The following FBXW8 variants were observed in gnomAD, a reference collection of about 807,000 sequenced individuals.
FBXW8 encodes F-box/WD repeat-containing protein 8.
In FBXW8, 57 loss-of-function variants were observed where a neutral mutation model predicts 65.3. The observed-to-expected ratio is 0.87, with a 90% confidence interval of 0.71 to 1.09. FBXW8 has a LOEUF of 1.09. Ranked by LOEUF, FBXW8 falls within the 50% of genes least tolerant of loss-of-function variation. The pLI, the probability that FBXW8 is intolerant of heterozygous loss-of-function variation, is 0.00. For missense variants in FBXW8, 777 were observed against 814.8 expected, an observed-to-expected ratio of 0.95 and a Z score of 0.57; for synonymous variants, 308 against 330.2, an observed-to-expected ratio of 0.93 and a Z score of 0.73.
chr12:116,983,295 T>G (rs548831686), intron 5 of FBXW8, among the ~76,000 whole-genome samples: 2 of 152,226 alleles, frequency 1.3e-5, no homozygotes, highest in Admixed American at 6.5e-5. Context: ...TATTTTTCTC[T>G]TCTGAGTCAG....
rs1291257833 is a variant in FBXW8, at chr12:117,030,902, A to G, written c.*2730A>G. 6.6e-6 allele frequency: 1 copy of G among 152,206 alleles called. No individual in the cohort carries two copies. Among genetic ancestry groups the G allele is most frequent in the Non-Finnish European group, 1.5e-5 (1 of 68,042 alleles). 9.4% of individuals were successfully genotyped at this position (152,206 alleles called of 1,614,324 possible). ...ATCCAAATTAAGCCCCCTTACCTTT[A>G]TCCAGACCCTTTCACAAACAAGTTC... is the stretch of plus-strand genomic sequence containing the variant. On this transcript the variant is annotated 3_prime_UTR_variant, in exon 11 of 11. Transcript: ENST00000652555.
rs940391502 is a variant in FBXW8 at position 116,961,210 on chromosome 12, G to A, written c.678-3487G>A. Among the ~76,000 whole-genome samples, 27 of 152,152 alleles carry A rather than the reference G, an allele frequency of 1.8e-4. No individual in the cohort carries two copies. The highest frequency in any genetic ancestry group is 5.6e-4 in the African/African-American group (23 of 41,430). On this transcript the variant is annotated intron_variant, in intron 4 of 10. Coordinates refer to ENST00000652555, the MANE Select transcript of FBXW8 (RefSeq NM_153348.3). The surrounding 1 kb of genome is among the most constrained non-coding windows in gnomAD (Gnocchi z 4.4). ...GAGGTTTCACCCTGTTGGCCAGGCT[G>A]GTCTCAACCTCCTGACCTCAGGTGA...
Position 116,965,629 on chromosome 12 carries a change from C to G in FBXW8, c.835+775C>G, listed in dbSNP as rs59683649. On this transcript the variant is annotated intron_variant, in intron 5 of 10. Transcript: ENST00000652555. ...AGAATGTTAAGTGTTCATGTCATGG[C>G]ACCACTGCAAATCTTCAGAGTCAGT... 7.0e-3 allele frequency among the ~76,000 whole-genome samples: 1,068 copies of G among 152,276 alleles called. 12 individuals carry two copies. The highest frequency in any genetic ancestry group is 0.024 in the African/African-American group (1,009 of 41,542).
At chr12:117,013,944 C>T (rs1167417175) in intron 8 of FBXW8, among the ~76,000 whole-genome samples, 2 of 151,402 alleles carry the variant, frequency 1.3e-5, no homozygotes, top group African/African-American at 2.4e-5. Context: ...GTTTATTAAG[C>T]GTTTAGAATC....
At chr12:117,025,782 G>A (rs1401380360) in intron 9 of FBXW8, among the ~76,000 whole-genome samples, 2 of 152,086 alleles carry the variant, frequency 1.3e-5, no homozygotes, top group Non-Finnish European at 2.9e-5. Flanking sequence ...CATTGCCTTT[G>A]AGGAAAACCC....
At position 116,988,917 on chromosome 12, in the gene FBXW8, A is replaced by G. The variant is rs1288698414; in HGVS notation, c.1239+48A>G. 5 of 1,525,616 alleles carry G rather than the reference A, an allele frequency of 3.3e-6. No individual in the cohort carries two copies. The African/African-American group carries it at 4.2e-5, about 13-fold the overall frequency. The allele number at this position is 1,525,616 out of a possible 1,614,324, so 94.5% of individuals were successfully genotyped here. On this transcript the variant is annotated intron_variant, in intron 7 of 10. Coordinates refer to ENST00000652555, the MANE Select transcript of FBXW8 (RefSeq NM_153348.3). ...AATTAACAAAAAAGAATATAGATTT[A>G]TTTTTTAGAAGGGAATTGAAAAATT...
chr12:116,989,064 A>C (rs1459094812), intron 7 of FBXW8, among the ~76,000 whole-genome samples, 195 bp downstream of exon 7: 1 of 152,150 alleles, frequency 6.6e-6, no homozygotes, highest in African/African-American at 2.4e-5. Flanking sequence ...CCTTCCCCCA[A>C]CTTCCCTGCA....
chr12:116,955,634 T>C (rs1469181849), intron 4 of FBXW8, among the ~76,000 whole-genome samples: 1 of 152,206 alleles, frequency 6.6e-6, no homozygotes, highest in East Asian at 1.9e-4. Context: ...GCTCTTAGAA[T>C]TTTAGAATGT....
chr12:116,950,110 G>A (rs1480419882), intron 4 of FBXW8: 1 of 167,034 alleles, frequency 6.0e-6, no homozygotes, highest in African/African-American at 2.4e-5. Flanking sequence ...TTGTGAAGAA[G>A]GGCTTTGGCC....
intron 5 of FBXW8, among the ~76,000 whole-genome samples, chr12:116,984,512 G>C (rs1367735637): frequency 6.6e-6 from 1 of 152,180 alleles, no homozygotes; most frequent in Admixed American, 6.5e-5. Flanking sequence ...GAGGCTTTAG[G>C]AGGATGGCGC....
At chr12:116,932,828 A>G (rs1309783822) in intron 2 of FBXW8, among the ~76,000 whole-genome samples, 1 of 152,118 alleles carries the variant, frequency 6.6e-6, no homozygotes, top group Non-Finnish European at 1.5e-5. Context: ...CACTGTGCCC[A>G]GCCGTTCTAA....
intron 9 of FBXW8, among the ~76,000 whole-genome samples, chr12:117,024,537 C>T (rs761841902): frequency 6.6e-6 from 1 of 152,256 alleles, no homozygotes; most frequent in Non-Finnish European, 1.5e-5. Flanking sequence ...GATGCAGTTC[C>T]TGTCTCTGAC....
rs1885581778 is a variant in FBXW8 at position 116,985,198 on chromosome 12, C to G, written c.836-8C>G. 3 of 1,573,742 alleles carry G rather than the reference C, an allele frequency of 1.9e-6. No individual in the cohort carries two copies. In the African/African-American group the frequency reaches 4.1e-5, roughly 22 times the overall value. ...AAATTGTTACCTGCATTGTTTCTTG[C>G]TGCATAGGGTTTCTTAATATTTGGG... On this transcript the variant is annotated splice_polypyrimidine_tract_variant and splice_region_variant and intron_variant, in intron 5 of 10. Transcript: ENST00000652555.
At chr12:116,988,366 TC>T (rs1231550905) in intron 6 of FBXW8, among the ~76,000 whole-genome samples, 1 of 152,228 alleles carries the variant, frequency 6.6e-6, no homozygotes, top group Non-Finnish European at 1.5e-5. Flanking sequence ...CTCCTTCACT[TC>T]CAGCCCAGGG....
chr12:116,931,070 G>A (rs1395702760), intron 2 of FBXW8, among the ~76,000 whole-genome samples: 1 of 152,214 alleles, frequency 6.6e-6, no homozygotes, highest in Admixed American at 6.5e-5. Context: ...TTATAATAGT[G>A]TGAGATGGGA....
intron 7 of FBXW8, 111 bp from the exon 8 acceptor site, chr12:117,010,212 C>T: frequency 7.3e-6 from 11 of 1,505,620 alleles, no homozygotes; most frequent in Middle Eastern, 1.7e-4. Context: ...AGAACATCTT[C>T]ACGGGAGCTC....
chr12:117,012,571 G>A (rs1449600337), intron 8 of FBXW8, among the ~76,000 whole-genome samples: 1 of 152,204 alleles, frequency 6.6e-6, no homozygotes, highest in Non-Finnish European at 1.5e-5. Context: ...ACTAAGTGTG[G>A]TAGAGGGAAG....
intron 8 of FBXW8, among the ~76,000 whole-genome samples, chr12:117,022,112 C>CAGGGCTAAG (rs1954113533): frequency 6.6e-6 from 1 of 152,158 alleles, no homozygotes; most frequent in Non-Finnish European, 1.5e-5. Flanking sequence ...GCAGCTGGTC[C>CAGGGCTAAG]TTAACAGGTC....
At chr12:117,016,390 G>A (rs150000082) in intron 8 of FBXW8, among the ~76,000 whole-genome samples, 18 of 152,234 alleles carry the variant, frequency 1.2e-4, no homozygotes, top group Admixed American at 7.8e-4. Context: ...ATCCTTTCAC[G>A]TGCTTATTGC....
Sources: allele counts gnomAD v4.1 joint callset (sites outside exome capture counted in the v4.1 genomes callset), GRCh38; gene constraint gnomAD v4.1.1; non-coding constraint Gnocchi (gnomAD v3.1); transcripts MANE v1.5; gene names NCBI Gene and HGNC (gene_info 2026-07-23, HGNC 2026-07-21).